RAVER2: variants seen among roughly 807,000 people sequenced by gnomAD.
RAVER2 encodes ribonucleoprotein, PTB binding 2.
A neutral mutation model predicts 78.1 loss-of-function variants in RAVER2; 46 were observed. The observed-to-expected ratio is 0.59, with a 90% CI of 0.46 to 0.75. RAVER2 has a LOEUF of 0.75. Ranked by LOEUF, RAVER2 falls within the 30% of genes least tolerant of loss-of-function variation. The probability of loss-of-function intolerance (pLI) is 0.00; values close to 1 mark genes in which losing one functional copy is unlikely to be tolerated. For synonymous variants in RAVER2, 311 were observed against 313.3 expected, an observed-to-expected ratio of 0.99 and a Z score of 0.08; for missense variants, 793 against 837.5, an observed-to-expected ratio of 0.95 and a Z score of 0.66.
At chr1:64,759,206 T>C (rs966406351) in intron 1 of RAVER2, among the ~76,000 whole-genome samples, 3 of 151,416 alleles carry the variant, frequency 2.0e-5, no homozygotes, top group East Asian at 3.9e-4. Context: ...TTATTTTTAT[T>C]TTTATTTATT....
At chr1:64,767,489 C>G (rs1652206010) in intron 1 of RAVER2, among the ~76,000 whole-genome samples, 1 of 151,882 alleles carries the variant, frequency 6.6e-6, no homozygotes, top group African/African-American at 2.4e-5. Context: ...CTTGTGATAA[C>G]TATAATAATA....
intron 5 of RAVER2, among the ~76,000 whole-genome samples, chr1:64,790,633 T>A (rs556957965): frequency 6.6e-6 from 1 of 152,320 alleles, no homozygotes; most frequent in African/African-American, 2.4e-5. Flanking sequence ...CATGAAATTA[T>A]GAAGAAGGAA....
At chr1:64,781,297 C>A in intron 3 of RAVER2, 83 bp from the exon 4 acceptor site, 1 of 1,317,408 alleles carries the variant, frequency 7.6e-7, no homozygotes, top group Non-Finnish European at 1.0e-6. Context: ...TGCACTTGTT[C>A]TTGAATTTGA....
chr1:64,830,776 A>T, intron 11 of RAVER2, 63 bp from the exon 12 acceptor site: 1 of 1,401,162 alleles, frequency 7.1e-7, no homozygotes, highest in South Asian at 1.4e-5. Flanking sequence ...TTTCTTATAA[A>T]TATCTTTAAT....
chr1:64,824,387 C>G (rs1653958703), intron 11 of RAVER2, among the ~76,000 whole-genome samples: 1 of 152,192 alleles, frequency 6.6e-6, no homozygotes, highest in Non-Finnish European at 1.5e-5. Flanking sequence ...TCAAATAATG[C>G]AGACAGACTT....
chr1:64,770,524 A>G (rs560815045), intron 2 of RAVER2, among the ~76,000 whole-genome samples: 2 of 152,186 alleles, frequency 1.3e-5, no homozygotes, highest in South Asian at 4.1e-4. Context: ...CACCCAACAA[A>G]GTGAAATTTA....
intron 11 of RAVER2, chr1:64,815,923 C>G (rs895561031): frequency 6.6e-6 from 1 of 152,142 alleles, no homozygotes; most frequent in Non-Finnish European, 1.5e-5. Context: ...TGAAGGCATT[C>G]TCTTATATTG....
intron 11 of RAVER2, among the ~76,000 whole-genome samples, chr1:64,825,252 A>G (rs1034599624): frequency 6.6e-6 from 1 of 152,188 alleles, no homozygotes; most frequent in Non-Finnish European, 1.5e-5. Flanking sequence ...ATGTTTCTGT[A>G]GGTCTGAAAT....
intron 2 of RAVER2, among the ~76,000 whole-genome samples, chr1:64,773,870 A>G (rs563450703): frequency 6.6e-5 from 10 of 152,270 alleles, no homozygotes; most frequent in Non-Finnish European, 1.5e-5. Flanking sequence ...AATGATCGCC[A>G]TTCTAACTGG....
At chr1:64,762,566 A>G (rs1421931200) in intron 1 of RAVER2, among the ~76,000 whole-genome samples, 3 of 152,214 alleles carry the variant, frequency 2.0e-5, no homozygotes, top group Non-Finnish European at 2.9e-5. Flanking sequence ...TGACTAGACA[A>G]GTACACTAGT....
At chr1:64,781,468 C>A in exon 4 of RAVER2, 1 of 1,614,044 alleles carries the variant, frequency 6.2e-7, no homozygotes. Context: ...CAGCAGGCAG[C>A]AGACGGTATG....
chr1:64,789,988 C>A (rs1457730484), intron 5 of RAVER2, among the ~76,000 whole-genome samples: 1 of 152,100 alleles, frequency 6.6e-6, no homozygotes, highest in Non-Finnish European at 1.5e-5. Flanking sequence ...TTATTATTTT[C>A]TAAGTGTTAT....
At chr1:64,804,283 A>C (rs1653350234) in intron 6 of RAVER2, among the ~76,000 whole-genome samples, 1 of 151,978 alleles carries the variant, frequency 6.6e-6, no homozygotes, top group Admixed American at 6.6e-5. Context: ...TTTTTCCTTC[A>C]TGTGATTACC....
intron 10 of RAVER2, among the ~76,000 whole-genome samples, chr1:64,814,191 T>A (rs929098656): frequency 1.3e-5 from 2 of 152,058 alleles, no homozygotes; most frequent in African/African-American, 4.8e-5. Context: ...ACTTCCTGGG[T>A]TCAAGCAATT....
chr1:64,759,056 G>T (rs1049215271), intron 1 of RAVER2, among the ~76,000 whole-genome samples: 1 of 151,690 alleles, frequency 6.6e-6, no homozygotes, highest in Non-Finnish European at 1.5e-5. Context: ...TGCTCAAGGA[G>T]AACCTTTTAT....
intron 1 of RAVER2, among the ~76,000 whole-genome samples, chr1:64,747,778 G>A (rs1651583996): frequency 6.6e-6 from 1 of 152,112 alleles, no homozygotes; most frequent in Admixed American, 6.6e-5. Context: ...GCCTCCCAAA[G>A]TGCTGAGATT....
intron 5 of RAVER2, among the ~76,000 whole-genome samples, chr1:64,799,005 C>T (rs1210894270): frequency 6.6e-6 from 1 of 152,178 alleles, no homozygotes; most frequent in Non-Finnish European, 1.5e-5. Flanking sequence ...AGTCACCCTA[C>T]AGTACTATAG....
chr1:64,755,742 T>TTG, intron 1 of RAVER2, among the ~76,000 whole-genome samples: 1 of 144,944 alleles, frequency 6.9e-6, no homozygotes, highest in African/African-American at 2.5e-5. Flanking sequence ...TTTTTTTTTT[T>TTG]TTTTTTTTTT....
chr1:64,758,980 A>T (rs1452417046), intron 1 of RAVER2, among the ~76,000 whole-genome samples: 1 of 151,102 alleles, frequency 6.6e-6, no homozygotes, highest in Admixed American at 6.6e-5. Flanking sequence ...CTTTGGATGG[A>T]TGACTATCTA....
Sources: gnomAD v4.1 joint callset for allele counts (sites outside exome capture counted in the v4.1 genomes callset) on GRCh38, gnomAD v4.1.1 for gene constraint, MANE v1.5 for transcripts, NCBI Gene and HGNC (gene_info 2026-07-23, HGNC 2026-07-21) for gene names.